Variants in TMEM30A observed in about 807,000 individuals in gnomAD.
TMEM30A encodes the protein cell cycle control protein 50A.
In TMEM30A, 24 loss-of-function variants were observed where a neutral mutation model predicts 38.2. The observed-to-expected ratio is 0.63, with a 90% CI of 0.46 to 0.88. TMEM30A has a LOEUF of 0.88. TMEM30A is among the 40% of genes least tolerant of loss of function. The probability of loss-of-function intolerance (pLI) is 0.00; values close to 1 mark genes in which losing one functional copy is unlikely to be tolerated. For missense variants in TMEM30A, 370 were observed against 458.6 expected (o/e 0.81, Z 1.77); for synonymous variants, 145 against 161.6 (o/e 0.90, Z 0.78).
intron 3 of TMEM30A, among the ~76,000 whole-genome samples, chr6:75,262,449 C>A (rs1444217696): frequency 1.3e-5 from 2 of 152,012 alleles, no homozygotes; most frequent in Non-Finnish European, 2.9e-5. Flanking sequence ...TCAAGACCAG[C>A]CTGCCTAAGA....
chr6:75,284,727 TGCCGCC>T lies in TMEM30A; in HGVS notation c.-95_-90del, dbSNP rs939720541. The T allele has an allele frequency of 2.4e-5, 32 of 1,355,024 alleles. No homozygotes were observed. In the African/African-American group the frequency reaches 3.6e-4, roughly 15 times the overall value. 83.9% of individuals were successfully genotyped at this position (1,355,024 alleles called of 1,614,324 possible). On this transcript the variant is annotated 5_prime_UTR_variant, in exon 1 of 7. Transcript: ENST00000230461. ...CTGACAGGAACCGCTCGAGCGCCGC[TGCCGCC>T]GCCGCCGCCGCAGCCACCAGCGCCA...
intron 2 of TMEM30A, 55 bp downstream of exon 2, chr6:75,267,586 G>A: frequency 8.0e-7 from 1 of 1,244,596 alleles, no homozygotes; most frequent in Non-Finnish European, 1.2e-6. Context: ...ATTTAGTACA[G>A]TATCAGTATT....
chr6:75,268,905 C>T (rs1772116958), intron 1 of TMEM30A, among the ~76,000 whole-genome samples: 2 of 152,110 alleles, frequency 1.3e-5, no homozygotes, highest in Admixed American at 6.5e-5. Flanking sequence ...ATGGTTAGTG[C>T]CAGAATTGAA....
At chr6:75,278,510 C>T (rs1412573679) in intron 1 of TMEM30A, among the ~76,000 whole-genome samples, 1 of 152,068 alleles carries the variant, frequency 6.6e-6, no homozygotes, top group Non-Finnish European at 1.5e-5. Context: ...ACATTGCTAC[C>T]GTGAAAAGGC....
At chr6:75,267,917 G>A (rs1772096493) in intron 1 of TMEM30A, among the ~76,000 whole-genome samples, 169 bp from the exon 2 acceptor site, 1 of 152,116 alleles carries the variant, frequency 6.6e-6, no homozygotes, top group Non-Finnish European at 1.5e-5. Flanking sequence ...AGTAAAAACT[G>A]GAAAGGGTCC....
chr6:75,255,832 T>G lies in TMEM30A; in HGVS notation c.*270A>C. The stretch of plus-strand genomic sequence containing the variant: ...CACATGAAAGAGGCTCTATGCATCA[T>G]GTGGCCTGTCCGAATAAAAAGCAAA... On this transcript the variant is annotated 3_prime_UTR_variant, in exon 7 of 7. Coordinates refer to ENST00000230461, the MANE Select transcript of TMEM30A (RefSeq NM_018247.4). 3 of 302,274 alleles carry G rather than the reference T, an allele frequency of 9.9e-6. No homozygotes were observed. The highest frequency in any genetic ancestry group is 6.1e-6 in the Non-Finnish European group (1 of 162,646). The allele number at this position is 302,274 out of a possible 1,614,324, so 18.7% of individuals were successfully genotyped here. A position where few individuals can be genotyped will look rare whatever the true frequency, so the allele number is the denominator to read the frequency against.
At chr6:75,273,931 A>T (rs1179763084) in intron 1 of TMEM30A, among the ~76,000 whole-genome samples, 2 of 152,230 alleles carry the variant, frequency 1.3e-5, no homozygotes, top group Admixed American at 1.3e-4. Flanking sequence ...CTGAGTCCCT[A>T]TTAGGTGCTA....
At chr6:75,261,217 C>A (rs1415100920) in intron 3 of TMEM30A, among the ~76,000 whole-genome samples, 1 of 152,104 alleles carries the variant, frequency 6.6e-6, no homozygotes, top group African/African-American at 2.4e-5. Flanking sequence ...GGGTTTTCTG[C>A]CCAAGAAAAA....
At chr6:75,264,648 T>A (rs566862241) in intron 3 of TMEM30A, among the ~76,000 whole-genome samples, 4 of 149,170 alleles carry the variant, frequency 2.7e-5, no homozygotes, top group African/African-American at 7.4e-5. Context: ...AAAAATAAAA[T>A]AAAATAAAAA....
chr6:75,267,147 T>C (rs915600310), intron 2 of TMEM30A, among the ~76,000 whole-genome samples: 2 of 152,158 alleles, frequency 1.3e-5, no homozygotes, highest in Non-Finnish European at 2.9e-5. Context: ...AACAGATGGA[T>C]TTCTAACTAC....
chr6:75,274,795 G>A lies in TMEM30A; in HGVS notation c.238-7047C>T, dbSNP rs533576397. Among the ~76,000 whole-genome samples the A allele has an allele frequency of 9.2e-5, 14 of 152,176 alleles. No individual in the cohort carries two copies. The East Asian group carries it at 1.9e-3, about 21-fold the overall frequency. Reference sequence around the variant, plus strand: ...TCCCAGCACTTTGGGAGGCCAAGGCGAGCGGATCATGAGGTCAGGAGATCG... The same window carrying A: ...TCCCAGCACTTTGGGAGGCCAAGGCAAGCGGATCATGAGGTCAGGAGATCG... On this transcript the variant is annotated intron_variant, in intron 1 of 6. Transcript: ENST00000230461.
At chr6:75,269,304 T>C (rs970157756) in intron 1 of TMEM30A, among the ~76,000 whole-genome samples, 21 of 152,190 alleles carry the variant, frequency 1.4e-4, no homozygotes, top group Non-Finnish European at 1.0e-4. Context: ...GTACTCTATA[T>C]CCCTCTCTCT....
At chr6:75,280,619 G>A (rs547135273) in intron 1 of TMEM30A, among the ~76,000 whole-genome samples, 7 of 151,984 alleles carry the variant, frequency 4.6e-5, no homozygotes, top group African/African-American at 1.7e-4. Context: ...AATGTTCCTG[G>A]GCCACGCAAA....
intron 2 of TMEM30A, among the ~76,000 whole-genome samples, chr6:75,266,322 T>C (rs1772065841): frequency 6.6e-6 from 1 of 152,202 alleles, no homozygotes; most frequent in African/African-American, 2.4e-5. Context: ...TCCCATTCTA[T>C]ATAAAGAAAA....
intron 1 of TMEM30A, among the ~76,000 whole-genome samples, chr6:75,281,123 C>T (rs892579403): frequency 1.3e-5 from 2 of 152,118 alleles, no homozygotes; most frequent in African/African-American, 4.8e-5. Flanking sequence ...GCAACACTAA[C>T]TTGAAGTAAA....
chr6:75,260,740 C>T (rs1402302238), intron 4 of TMEM30A, 84 bp downstream of exon 4: 6 of 773,510 alleles, frequency 7.8e-6, no homozygotes, highest in African/African-American at 1.8e-5. Context: ...CAATTTCATT[C>T]ATGTTTACTA....
chr6:75,266,028 T>C (rs1439179346), intron 2 of TMEM30A, among the ~76,000 whole-genome samples: 1 of 152,182 alleles, frequency 6.6e-6, no homozygotes, highest in Non-Finnish European at 1.5e-5. Context: ...TTTAATATAT[T>C]TAATAGCGCC....
rs1238733258 is a variant in TMEM30A, at chr6:75,256,024, G to A, written c.*78C>T. The A allele has an allele frequency of 7.9e-6, 8 of 1,010,506 alleles. No individual in the cohort carries two copies. The highest frequency in any genetic ancestry group is 1.2e-5 in the Non-Finnish European group (8 of 694,516). The allele number at this position is 1,010,506 out of a possible 1,614,324, so 62.6% of individuals were successfully genotyped here. On this transcript the variant is annotated 3_prime_UTR_variant, in exon 7 of 7. Transcript: ENST00000230461. The stretch of plus-strand genomic sequence containing the variant: ...CAACTTCAAAATGACATACTAACCA[G>A]ATATCAGCATTCGAAAGCTAGGTTG...
chr6:75,282,271 C>G lies in TMEM30A; in HGVS notation c.237+2131G>C, dbSNP rs574902293. On this transcript the variant is annotated intron_variant, in intron 1 of 6. Coordinates refer to ENST00000230461, the MANE Select transcript of TMEM30A (RefSeq NM_018247.4). ...CCTGACTCTTCAGTGCCCTTTTAACCAGGCTAAGCTGCAGCAGATTCTTCA... is the reference window on the plus strand; with the variant it reads ...CCTGACTCTTCAGTGCCCTTTTAACGAGGCTAAGCTGCAGCAGATTCTTCA... Among the ~76,000 whole-genome samples, 13 of 152,290 alleles carry G rather than the reference C, an allele frequency of 8.5e-5. No homozygotes were observed. The South Asian group carries it at 2.5e-3, about 29-fold the overall frequency.
Sources: allele counts gnomAD v4.1 joint callset (sites outside exome capture counted in the v4.1 genomes callset), GRCh38; gene constraint gnomAD v4.1.1; transcripts MANE v1.5; gene names NCBI Gene and HGNC (gene_info 2026-07-23, HGNC 2026-07-21).